Variants in ABCC4 observed in about 807,000 individuals in gnomAD.
ABCC4 encodes the protein ATP-binding cassette sub-family C member 4.
In ABCC4, 102 loss-of-function variants were observed where a neutral mutation model predicts 168.5. That is an observed-to-expected ratio of 0.61 (90% CI 0.52 to 0.71). The LOEUF (loss-of-function observed/expected upper bound fraction) is 0.71. Ranked by LOEUF, ABCC4 falls within the 30% of genes least tolerant of loss-of-function variation. The pLI is 0.00. For synonymous variants in ABCC4, 617 were observed against 590.7 expected, an observed-to-expected ratio of 1.04 and a Z score of -0.65; for missense variants, 1,402 against 1,605.8, an observed-to-expected ratio of 0.87 and a Z score of 2.17.
chr13:95,291,898 A>G (rs1412907763), intron 1 of ABCC4, among the ~76,000 whole-genome samples: 1 of 152,084 alleles, frequency 6.6e-6, no homozygotes, highest in Non-Finnish European at 1.5e-5. Flanking sequence ...GTGAGCCAAG[A>G]TCATACCACT....
chr13:95,247,808 A>G, intron 1 of ABCC4, 55 bp from the exon 2 acceptor site: 2 of 1,418,420 alleles, frequency 1.4e-6, no homozygotes, highest in Non-Finnish European at 2.0e-6. Flanking sequence ...GTGTTTAAGT[A>G]GACTCCTACC....
chr13:95,077,155 G>A (rs1183589717), intron 21 of ABCC4, among the ~76,000 whole-genome samples: 1 of 152,170 alleles, frequency 6.6e-6, no homozygotes, highest in Non-Finnish European at 1.5e-5. Context: ...CCATGAATGA[G>A]GCCATACTGG....
intron 13 of ABCC4, among the ~76,000 whole-genome samples, chr13:95,171,005 C>G (rs763491493): frequency 6.6e-6 from 1 of 151,920 alleles, no homozygotes; most frequent in Non-Finnish European, 1.5e-5. Context: ...CGGCATTTTT[C>G]TTGGACGGTT....
At chr13:95,200,550 GTC>G (rs2139659211) in intron 8 of ABCC4, among the ~76,000 whole-genome samples, 2 of 152,220 alleles carry the variant, frequency 1.3e-5, no homozygotes, top group African/African-American at 4.8e-5. Context: ...GTGAAACCCA[GTC>G]TCTACTAAAA....
intron 14 of ABCC4, among the ~76,000 whole-genome samples, chr13:95,167,474 G>A (rs1379027039): frequency 2.0e-5 from 3 of 152,138 alleles, no homozygotes; most frequent in African/African-American, 7.2e-5. Flanking sequence ...GGGGGAAGGT[G>A]GCCAGGACCC....
intron 20 of ABCC4, among the ~76,000 whole-genome samples, chr13:95,112,004 A>G (rs1417114626): frequency 6.6e-6 from 1 of 152,200 alleles, no homozygotes; most frequent in Non-Finnish European, 1.5e-5. Context: ...CAAAACCAAT[A>G]AAACGATCAC....
At chr13:95,168,218 C>G (rs563170131) in intron 14 of ABCC4, among the ~76,000 whole-genome samples, 4 of 152,176 alleles carry the variant, frequency 2.6e-5, no homozygotes, top group African/African-American at 9.7e-5. Flanking sequence ...ACAGACTTTA[C>G]TCTAATGTAC....
chr13:95,289,631 T>C (rs902893250), intron 1 of ABCC4, among the ~76,000 whole-genome samples: 1 of 152,292 alleles, frequency 6.6e-6, no homozygotes, highest in East Asian at 1.9e-4. Context: ...ATTGTGGTAA[T>C]GGTTCTCATG....
intron 19 of ABCC4, among the ~76,000 whole-genome samples, chr13:95,141,552 G>A (rs1387988126): frequency 2.0e-5 from 3 of 151,980 alleles, no homozygotes; most frequent in South Asian, 4.1e-4. Context: ...TACACAAGGT[G>A]GGGGGTGGGG....
chr13:95,173,604 G>C (rs2037555641), intron 13 of ABCC4, among the ~76,000 whole-genome samples: 1 of 152,186 alleles, frequency 6.6e-6, no homozygotes, highest in African/African-American at 2.4e-5. Flanking sequence ...TGCATGGCAA[G>C]GGTTGGAAAG....
chr13:95,115,470 T>G (rs1270345407), intron 20 of ABCC4, among the ~76,000 whole-genome samples: 1 of 149,568 alleles, frequency 6.7e-6, no homozygotes, highest in Admixed American at 6.8e-5. Context: ...TTACTAATCT[T>G]TTCTTTGTAA....
intron 27 of ABCC4, among the ~76,000 whole-genome samples, chr13:95,050,467 T>C (rs1402338600): frequency 2.6e-5 from 4 of 152,152 alleles, no homozygotes; most frequent in African/African-American, 9.7e-5. Context: ...TCCTCCAGTC[T>C]TTGTCTCATT....
chr13:95,248,943 G>A (rs968069751), intron 1 of ABCC4, among the ~76,000 whole-genome samples: 7 of 152,086 alleles, frequency 4.6e-5, no homozygotes, highest in African/African-American at 1.2e-4. Context: ...GGGAAGCTGC[G>A]GCACAAGAAT....
At chr13:95,082,680 T>C (rs2034135143) in intron 21 of ABCC4, among the ~76,000 whole-genome samples, 1 of 152,240 alleles carries the variant, frequency 6.6e-6, no homozygotes, top group African/African-American at 2.4e-5. Context: ...GACACCTCTT[T>C]TCCTTTCTCC....
intron 7 of ABCC4, among the ~76,000 whole-genome samples, 164 bp from the exon 8 acceptor site, chr13:95,206,945 G>A (rs2038800702): frequency 6.6e-6 from 1 of 152,174 alleles, no homozygotes; most frequent in Admixed American, 6.5e-5. Flanking sequence ...AAGGTGAGAG[G>A]TGGCCAGGAA....
intron 30 of ABCC4, among the ~76,000 whole-genome samples, chr13:95,023,346 T>C (rs1053126457): frequency 2.0e-5 from 3 of 152,238 alleles, no homozygotes; most frequent in African/African-American, 7.2e-5. Flanking sequence ...ACCTTTCTTT[T>C]TCTCTTCTGC....
intron 15 of ABCC4, among the ~76,000 whole-genome samples, chr13:95,164,927 C>T (rs2037223857): frequency 6.6e-6 from 1 of 152,100 alleles, no homozygotes; most frequent in Non-Finnish European, 1.5e-5. Flanking sequence ...GAACTCCTGA[C>T]CTCAGGTGAT....
intron 19 of ABCC4, among the ~76,000 whole-genome samples, chr13:95,124,888 T>A (rs1043152094): frequency 1.7e-4 from 25 of 148,482 alleles, no homozygotes; most frequent in Non-Finnish European, 1.3e-4. Context: ...AAAAAAAAAA[T>A]AAAATAAAAT....
intron 3 of ABCC4, among the ~76,000 whole-genome samples, chr13:95,243,873 G>A (rs987880569): frequency 1.3e-5 from 2 of 148,802 alleles, no homozygotes; most frequent in African/African-American, 2.5e-5. Flanking sequence ...GTGACAGAGT[G>A]AGACCCCACC....
Sources: allele counts gnomAD v4.1 joint callset (sites outside exome capture counted in the v4.1 genomes callset), GRCh38; gene constraint gnomAD v4.1.1; transcripts MANE v1.5; gene names NCBI Gene and HGNC (gene_info 2026-07-23, HGNC 2026-07-21).